The following B3GALT1 variants were observed in gnomAD, a reference collection of about 807,000 sequenced individuals.
B3GALT1 encodes UDP-Gal:betaGlcNAc beta 1,3-galactosyltransferase, polypeptide 1.
In B3GALT1, 10 loss-of-function variants were observed where a neutral mutation model predicts 23.2. That is an observed-to-expected ratio of 0.43 (90% CI 0.27 to 0.73). The LOEUF (loss-of-function observed/expected upper bound fraction) is 0.73, where lower values mean the gene tolerates loss of function less well. Among genes scored for constraint, B3GALT1 ranks in the 30% least tolerant of loss-of-function variants. B3GALT1 has a pLI of 0.21. For synonymous variants in B3GALT1, 156 were observed against 141.5 expected, an observed-to-expected ratio of 1.10 and a Z score of -0.73; for missense variants, 299 against 405.4, an observed-to-expected ratio of 0.74 and a Z score of 2.25.
intron 2 of B3GALT1, among the ~76,000 whole-genome samples, chr2:167,552,286 C>A (rs1031922894): frequency 8.5e-5 from 13 of 152,184 alleles, no homozygotes; most frequent in Non-Finnish European, 1.8e-4. Flanking sequence ...AGTTCTGACA[C>A]TTCCAGATTC....
At chr2:167,619,204 T>C (rs1187000349) in intron 2 of B3GALT1, among the ~76,000 whole-genome samples, 1 of 152,034 alleles carries the variant, frequency 6.6e-6, no homozygotes, top group South Asian at 2.1e-4. Flanking sequence ...GGTTATACTA[T>C]TGATGGCTCT....
At chr2:167,490,591 T>C (rs913802048) in intron 2 of B3GALT1, among the ~76,000 whole-genome samples, 1 of 152,212 alleles carries the variant, frequency 6.6e-6, no homozygotes, top group Non-Finnish European at 1.5e-5. Context: ...ATGACACACA[T>C]GGAAAATGGT....
At chr2:167,700,611 G>A (rs932095586) in intron 3 of B3GALT1, among the ~76,000 whole-genome samples, 1 of 152,146 alleles carries the variant, frequency 6.6e-6, no homozygotes, top group Non-Finnish European at 1.5e-5. Flanking sequence ...TAAATTAATG[G>A]AACACCCCTT....
At chr2:167,319,760 C>T (rs1292132546) in intron 1 of B3GALT1, among the ~76,000 whole-genome samples, 1 of 151,996 alleles carries the variant, frequency 6.6e-6, no homozygotes, top group Non-Finnish European at 1.5e-5. Flanking sequence ...CAAAAACATC[C>T]TATTAATGAT....
chr2:167,379,208 C>G (rs1697806522), intron 1 of B3GALT1, among the ~76,000 whole-genome samples: 1 of 151,976 alleles, frequency 6.6e-6, no homozygotes, highest in African/African-American at 2.4e-5. Flanking sequence ...TACTAAACAC[C>G]TATAAAACCA....
intron 1 of B3GALT1, among the ~76,000 whole-genome samples, chr2:167,309,248 T>A (rs1457937341): frequency 6.6e-6 from 1 of 152,048 alleles, no homozygotes; most frequent in Non-Finnish European, 1.5e-5. Context: ...TCAATTTTTC[T>A]TTCCTCACAT....
In B3GALT1 at chr2:167,535,196, G is replaced by A. The variant is rs563335905; in HGVS notation, c.-410+44919G>A. Among the ~76,000 whole-genome samples the A allele has an allele frequency of 5.7e-4, 87 of 152,320 alleles. No homozygotes were observed. In the South Asian group the frequency reaches 9.7e-3, roughly 17 times the overall value. On this transcript the variant is annotated intron_variant, in intron 2 of 4. Transcript: ENST00000392690. ...AAGAATAAAAGCAGTAAATCATAGA[G>A]TTATAGATTTTTTTAAGTGGAAGAG...
intron 1 of B3GALT1, among the ~76,000 whole-genome samples, chr2:167,453,889 C>T (rs1326460668): frequency 2.0e-5 from 3 of 152,162 alleles, no homozygotes; most frequent in South Asian, 2.1e-4. Flanking sequence ...ATTGATATAT[C>T]GGCTAAAGTA....
intron 3 of B3GALT1, among the ~76,000 whole-genome samples, chr2:167,657,508 C>T (rs1189827473): frequency 6.6e-6 from 1 of 152,056 alleles, no homozygotes; most frequent in East Asian, 1.9e-4. Context: ...TATAGGTAGC[C>T]ATCTATTACA....
At position 167,806,051 on chromosome 2, in the gene B3GALT1, G is replaced by T. The variant is rs187080386; in HGVS notation, c.-351-12621G>T. Among the ~76,000 whole-genome samples, 758 of 152,226 alleles carry T rather than the reference G, an allele frequency of 5.0e-3. 7 individuals are homozygous for T. Among genetic ancestry groups the T allele is most frequent in the Non-Finnish European group, 8.3e-3 (562 of 68,008 alleles). ...CTTGAAGAGGTCCTTCACATCCCTT[G>T]TAAGTTGGATTCCTAGGTATTTTAT... On this transcript the variant is annotated intron_variant, in intron 3 of 4. Transcript: ENST00000392690.
In B3GALT1 at chr2:167,422,075, GGAT is replaced by G. The variant is rs147707190; in HGVS notation, c.-510-68099_-510-68097del. ...AGGAGGAGGAAGAGGAAGAGGAGGA[GGAT>G]GAGGGAGAGGGGGAGTGCAAAGGGG... On this transcript the variant is annotated intron_variant, in intron 1 of 4. Coordinates refer to ENST00000392690, the MANE Select transcript of B3GALT1 (RefSeq NM_020981.4). Among the ~76,000 whole-genome samples the G allele has an allele frequency of 4.6e-3, 691 of 150,986 alleles. 5 individuals are homozygous for G. The highest frequency in any genetic ancestry group is 0.016 in the East Asian group (80 of 5,100).
chr2:167,731,103 A>G (rs1324610141), intron 3 of B3GALT1, among the ~76,000 whole-genome samples: 1 of 152,182 alleles, frequency 6.6e-6, no homozygotes, highest in Non-Finnish European at 1.5e-5. Context: ...CCACTAAACC[A>G]TAAGGATTTA....
intron 1 of B3GALT1, among the ~76,000 whole-genome samples, chr2:167,387,204 C>A (rs1395928903): frequency 6.6e-6 from 1 of 152,038 alleles, no homozygotes; most frequent in Non-Finnish European, 1.5e-5. Context: ...AATATGCCAT[C>A]CCTAAACTCA....
At chr2:167,748,901 A>C (rs992673936) in intron 3 of B3GALT1, among the ~76,000 whole-genome samples, 2 of 152,172 alleles carry the variant, frequency 1.3e-5, no homozygotes, top group African/African-American at 4.8e-5. Flanking sequence ...CCAGTCATTC[A>C]TGCCACACAC....
intron 1 of B3GALT1, among the ~76,000 whole-genome samples, chr2:167,473,721 T>C (rs1369309733): frequency 6.6e-6 from 1 of 152,024 alleles, no homozygotes; most frequent in Non-Finnish European, 1.5e-5. Context: ...GAACCAAGGC[T>C]GGGAAAGGAG....
chr2:167,504,825 CA>C (rs1474937946), intron 2 of B3GALT1, among the ~76,000 whole-genome samples: 2 of 152,176 alleles, frequency 1.3e-5, no homozygotes, highest in African/African-American at 4.8e-5. Context: ...CTAGGAACAA[CA>C]GACCATATCA....
intron 3 of B3GALT1, among the ~76,000 whole-genome samples, chr2:167,728,041 T>C (rs1687347612): frequency 6.6e-6 from 1 of 152,206 alleles, no homozygotes; most frequent in Non-Finnish European, 1.5e-5. Flanking sequence ...TTAATCGCAG[T>C]GTCTGCCATG....
In B3GALT1 at chr2:167,372,467, T is replaced by G. The variant is rs61275315; in HGVS notation, c.-511+79133T>G. ...AAGCCCAGAGGCCCCCTTCCACCAC[T>G]TCTATTCCCCCTTTTGTTGGAGACT... On this transcript the variant is annotated intron_variant, in intron 1 of 4. Coordinates refer to ENST00000392690, the MANE Select transcript of B3GALT1 (RefSeq NM_020981.4). 2.3e-4 allele frequency among the ~76,000 whole-genome samples: 35 copies of G among 152,196 alleles called. No individual in the cohort carries two copies. The East Asian group carries it at 6.4e-3, about 28-fold the overall frequency.
intron 2 of B3GALT1, among the ~76,000 whole-genome samples, chr2:167,557,792 G>A (rs1312411147): frequency 2.0e-5 from 3 of 152,210 alleles, no homozygotes; most frequent in Non-Finnish European, 4.4e-5. Flanking sequence ...TCATTGGCTT[G>A]ACTGGAGACC....
Sources: allele counts gnomAD v4.1 joint callset (sites outside exome capture counted in the v4.1 genomes callset), GRCh38; gene constraint gnomAD v4.1.1; transcripts MANE v1.5; gene names NCBI Gene and HGNC (gene_info 2026-07-23, HGNC 2026-07-21).